The following EPG5 variants were observed in gnomAD, a reference collection of about 807,000 sequenced individuals.
EPG5 encodes ectopic P-granules 5 autophagy tethering factor, also known as ectopic P granules protein 5 homolog.
Under a neutral mutation model 302.7 loss-of-function variants are expected in EPG5, and 159 were observed. The observed-to-expected ratio is 0.53, with a 90% CI of 0.46 to 0.60. The LOEUF (loss-of-function observed/expected upper bound fraction) is 0.60. EPG5 is among the 20% of genes least tolerant of loss of function. EPG5 has a pLI of 0.00. For synonymous variants in EPG5, 1,158 were observed against 1,136.8 expected, an observed-to-expected ratio of 1.02 and a Z score of -0.37; for missense variants, 2,896 against 3,092.4, an observed-to-expected ratio of 0.94 and a Z score of 1.51.
rs567433086 is a variant in EPG5 at position 45,852,982 on chromosome 18, T to C, written c.7558-333A>G. On this transcript the variant is annotated intron_variant, in intron 43 of 43. Coordinates refer to ENST00000282041, the MANE Select transcript of EPG5 (RefSeq NM_020964.3). ...CTGGGCGCCTCACCTGCCACACCGA[T>C]TTCTAAAGCCTGCCTTGTCCTCGTT... Among the ~76,000 whole-genome samples the C allele has an allele frequency of 2.0e-5, 3 of 152,284 alleles. 1 individual carries two copies. The highest frequency in any genetic ancestry group is 3.9e-4 in the East Asian group (2 of 5,186).
intron 1 of EPG5, among the ~76,000 whole-genome samples, chr18:45,959,697 G>C (rs367888940): frequency 8.0e-6 from 1 of 125,012 alleles, no homozygotes; most frequent in African/African-American, 3.0e-5. Flanking sequence ...TAAATAAATA[G>C]GCCTGGGTGC....
rs752818740 is a variant in EPG5 at position 45,949,495 on chromosome 18, G to A, written c.1486C>T (p.Pro496Ser). The A allele has an allele frequency of 2.3e-5, 37 of 1,607,618 alleles. No individual in the cohort carries two copies. In the South Asian group the frequency reaches 4.1e-4, roughly 18 times the overall value. The change falls in exon 5 of 44, where the codon CCT becomes TCT. Residue 496 changes from proline to serine, a missense_variant. Pro to Ser is a moderately conservative substitution (Grantham distance 74). Transcript: ENST00000282041. Reference sequence around the variant, plus strand: ...ATGATTCATCATACCTGGATAAAAGGAACAGCCCATTTACTAACACCAGCG... The same window carrying A: ...ATGATTCATCATACCTGGATAAAAGAAACAGCCCATTTACTAACACCAGCG... ...CPAGVSKWAV[P>S]FIQIKVLHNP...
chr18:45,885,644 G>A (rs922794528), intron 29 of EPG5, among the ~76,000 whole-genome samples: 2 of 151,990 alleles, frequency 1.3e-5, no homozygotes, highest in African/African-American at 4.8e-5. Context: ...AATTTCACCG[G>A]CAGGAAGGCT....
At chr18:45,870,793 A>C in intron 35 of EPG5, 51 bp from the exon 36 acceptor site, 1 of 1,395,548 alleles carries the variant, frequency 7.2e-7, no homozygotes, top group Non-Finnish European at 9.7e-7. Flanking sequence ...TACCTTAAAA[A>C]AAAAAAAAAA....
chr18:45,902,986 A>T (rs1294685966), intron 25 of EPG5, among the ~76,000 whole-genome samples: 5 of 152,244 alleles, frequency 3.3e-5, no homozygotes, highest in Non-Finnish European at 7.3e-5. Context: ...GAAGGGCTTC[A>T]TAAATTACTA....
intron 39 of EPG5, among the ~76,000 whole-genome samples, chr18:45,863,028 C>A (rs2048668979): frequency 6.6e-6 from 1 of 152,010 alleles, no homozygotes; most frequent in Admixed American, 6.6e-5. Flanking sequence ...TGTCATGCAA[C>A]TTCGGGGCAG....
rs141298366 is a variant in EPG5, at chr18:45,958,444, T to C, written c.64-3106A>G. Among the ~76,000 whole-genome samples, 796 of 150,276 alleles carry C rather than the reference T, an allele frequency of 5.3e-3. 5 individuals are homozygous for C. Among genetic ancestry groups the C allele is most frequent in the African/African-American group, 0.019 (741 of 40,040 alleles). ...CAAAATCTACTACAAAGTACAGTAA[T>C]AAAGACAGTATAGTGTTGGCACATG... is the stretch of plus-strand genomic sequence containing the variant. On this transcript the variant is annotated intron_variant, in intron 1 of 43. Transcript: ENST00000282041.
chr18:45,880,302 C>A lies in EPG5; in HGVS notation c.5519-79G>T, dbSNP rs560311259. 49 of 1,303,384 alleles carry A rather than the reference C, an allele frequency of 3.8e-5. 1 individual carries two copies. The East Asian group carries it at 1.2e-3, about 33-fold the overall frequency. The allele number at this position is 1,303,384 out of a possible 1,614,324, so 80.7% of individuals were successfully genotyped here. On this transcript the variant is annotated intron_variant, in intron 31 of 43. Transcript: ENST00000282041. The stretch of plus-strand genomic sequence containing the variant: ...TAACTTGTAACAAAGAATATGAGCA[C>A]CTTATAAAGGAATAAAAATAAAGCC...
At chr18:45,915,656 T>G in intron 19 of EPG5, 35 bp from the exon 20 acceptor site, 3 of 1,532,286 alleles carry the variant, frequency 2.0e-6, no homozygotes, top group African/African-American at 1.4e-5. Flanking sequence ...GAGAGGAGGT[T>G]TTAAGGAAAA....
intron 38 of EPG5, 51 bp downstream of exon 38, chr18:45,866,747 C>T (rs1325638896): frequency 7.0e-7 from 1 of 1,425,350 alleles, no homozygotes; most frequent in South Asian, 1.2e-5. Context: ...ACTTATGCTG[C>T]TACCAATCTC....
At chr18:45,941,468 G>A (rs970125323) in intron 9 of EPG5, among the ~76,000 whole-genome samples, 9 of 152,140 alleles carry the variant, frequency 5.9e-5, no homozygotes, top group African/African-American at 1.9e-4. Flanking sequence ...ACTAATAGAC[G>A]ATCTGAAGGC....
intron 13 of EPG5, among the ~76,000 whole-genome samples, chr18:45,927,747 A>G (rs1316885087): frequency 6.6e-6 from 1 of 152,198 alleles, no homozygotes; most frequent in Non-Finnish European, 1.5e-5. Flanking sequence ...CACAAAGACC[A>G]TATATTACAT....
chr18:45,922,097 C>T (rs1268701985), intron 16 of EPG5, among the ~76,000 whole-genome samples: 5 of 151,942 alleles, frequency 3.3e-5, no homozygotes, highest in Admixed American at 2.6e-4. Flanking sequence ...ACGAACATTC[C>T]ACTCCAGGAG....
intron 16 of EPG5, among the ~76,000 whole-genome samples, chr18:45,918,706 T>G (rs774767351): frequency 1.3e-5 from 2 of 152,178 alleles, no homozygotes; most frequent in Non-Finnish European, 2.9e-5. Context: ...TTTAAAATAA[T>G]ACACATGATG....
chr18:45,876,546 A>C lies in EPG5; in HGVS notation c.5943-204T>G, dbSNP rs7236728. On this transcript the variant is annotated intron_variant, in intron 34 of 43. Coordinates refer to ENST00000282041, the MANE Select transcript of EPG5 (RefSeq NM_020964.3). ...CATATAATTTTCTTTCATCTCCTTC[A>C]TACCCTTTATTCCAATGCAATTAGA... Among the ~76,000 whole-genome samples, 2,540 of 152,222 alleles carry C rather than the reference A, an allele frequency of 0.017. 54 individuals are homozygous for C. The highest frequency in any genetic ancestry group is 0.05 in the African/African-American group (2,083 of 41,512).
In EPG5 at chr18:45,939,634, A is replaced by C. The variant is rs942247039; in HGVS notation, c.2065T>G (p.Leu689Val). Residue 689 changes from leucine to valine, a missense_variant, in exon 10 of 44, where the codon TTG becomes GTG. Around this residue, in one of 5 missense-constraint regions of EPG5, gnomAD observed 1,390 missense variants for 1,430.0 expected, o/e 0.97. Transcript: ENST00000282041. ...TTCAGCACATGTAGGACAGCCCTCA[A>C]AAACAGTTCATCAAATTCAACCTGT... ...KLQVEFDELF[L>V]RAVLHVLKAK... The C allele has an allele frequency of 6.2e-7, 1 of 1,614,050 alleles. No individual in the cohort carries two copies. Among genetic ancestry groups the C allele is most frequent in the African/African-American group, 1.3e-5 (1 of 74,924 alleles).
At chr18:45,964,892 G>C (rs1235543494) in intron 1 of EPG5, among the ~76,000 whole-genome samples, 2 of 152,164 alleles carry the variant, frequency 1.3e-5, no homozygotes, top group East Asian at 3.9e-4. Flanking sequence ...GGCAGACGTT[G>C]TGGTGAGCAG....
intron 43 of EPG5, among the ~76,000 whole-genome samples, chr18:45,854,927 AC>A (rs1242414275): frequency 3.3e-5 from 5 of 152,326 alleles, no homozygotes; most frequent in African/African-American, 1.2e-4. Flanking sequence ...GCTTTAACTC[AC>A]TAATATTGGT....
At chr18:45,863,854 T>C (rs1568100025) in intron 39 of EPG5, among the ~76,000 whole-genome samples, 1 of 152,240 alleles carries the variant, frequency 6.6e-6, no homozygotes, top group Non-Finnish European at 1.5e-5. Context: ...TTGCCACTGG[T>C]ACTTCTGCAG....
Sources: allele counts gnomAD v4.1 joint callset (sites outside exome capture counted in the v4.1 genomes callset), GRCh38; gene constraint gnomAD v4.1.1; regional missense constraint gnomAD v4.1.1; transcripts MANE v1.5; gene names NCBI Gene and HGNC (gene_info 2026-07-23, HGNC 2026-07-21).